TPO: variants seen among roughly 807,000 people sequenced by gnomAD.
TPO encodes thyroid peroxidase, also known as thyroid microsomal antigen.
Under a neutral mutation model 96.9 loss-of-function variants are expected in TPO, and 78 were observed. The ratio of observed to expected loss-of-function variants is 0.81; its 90% CI spans 0.67 to 0.97. The LOEUF is 0.97. Among genes scored for constraint, TPO ranks in the 50% least tolerant of loss-of-function variants. TPO has a pLI of 0.00. For synonymous variants in TPO, 547 were observed against 538.0 expected, an observed-to-expected ratio of 1.02 and a Z score of -0.23; for missense variants, 1,252 against 1,274.8, an observed-to-expected ratio of 0.98 and a Z score of 0.27.
chr2:1,512,282 C>A, intron 14 of TPO: 1 of 474,076 alleles, frequency 2.1e-6, no homozygotes, highest in Non-Finnish European at 2.8e-6. Flanking sequence ...GGACTCTTTT[C>A]TATAAACGCT....
intron 3 of TPO, among the ~76,000 whole-genome samples, chr2:1,423,656 T>A (rs889903569): frequency 6.6e-6 from 1 of 152,122 alleles, no homozygotes; most frequent in Non-Finnish European, 1.5e-5. Flanking sequence ...ACAAAAAACC[T>A]GTAAAGCAGT....
chr2:1,488,521 G>A (rs541392467), intron 10 of TPO, among the ~76,000 whole-genome samples: 14 of 151,982 alleles, frequency 9.2e-5, no homozygotes, highest in East Asian at 1.9e-4. Context: ...GGCCCCACCC[G>A]GCAGCCTCCT....
At chr2:1,411,512 T>C (rs1662337597), upstream of TPO, among the ~76,000 whole-genome samples, 4 of 152,204 alleles carry the variant, frequency 2.6e-5, no homozygotes, top group South Asian at 8.3e-4. Flanking sequence ...CTTCCTTGAG[T>C]ATTTGCCCCA....
intron 15 of TPO, among the ~76,000 whole-genome samples, chr2:1,531,672 T>C (rs1196059621): frequency 1.4e-4 from 8 of 56,704 alleles, no homozygotes; most frequent in South Asian, 8.3e-4. Flanking sequence ...CTGTGTGCAA[T>C]CTCCCCAAAT....
rs576325774 is a variant in TPO at position 1,532,180 on chromosome 2, G to A, written c.2619-8414G>A. ...AACCTACACAAATGCCCCCCACAGT[G>A]CGCAACCTCCTCAAATCCCCCACCA... On this transcript the variant is annotated intron_variant, in intron 15 of 16. Transcript: ENST00000329066. 3.4e-5 allele frequency among the ~76,000 whole-genome samples: 3 copies of A among 88,622 alleles called. No individual in the cohort carries two copies. The Admixed American group carries it at 4.8e-4, about 14-fold the overall frequency. 58.1% of individuals were successfully genotyped at this position (88,622 alleles called of 152,430 possible).
intron 15 of TPO, among the ~76,000 whole-genome samples, chr2:1,536,203 C>A (rs1679619165): frequency 3.4e-5 from 1 of 29,116 alleles, no homozygotes; most frequent in African/African-American, 1.3e-4. Context: ...CTGTGTGCAA[C>A]CTCCCGAAAT....
In TPO at chr2:1,469,828, C is replaced by T. The variant is rs116649563; in HGVS notation, c.820-7258C>T. Among the ~76,000 whole-genome samples the T allele has an allele frequency of 8.9e-3, 1,360 of 152,306 alleles. 22 individuals carry two copies. Among genetic ancestry groups the T allele is most frequent in the African/African-American group, 0.031 (1,272 of 41,568 alleles). ...CAGTATTTGGGGTGTCTCCCGAGTC[C>T]TGCAGGAGCCATCCGCTTTCTTCAG... On this transcript the variant is annotated intron_variant, in intron 7 of 16. Coordinates refer to ENST00000329066, the MANE Select transcript of TPO (RefSeq NM_001206744.2).
intron 13 of TPO, among the ~76,000 whole-genome samples, chr2:1,497,240 G>A (rs2124951856): frequency 6.6e-6 from 1 of 152,344 alleles, no homozygotes; most frequent in East Asian, 1.9e-4. Flanking sequence ...GTGGACAAGT[G>A]TGGCTTCCTG....
intron 14 of TPO, among the ~76,000 whole-genome samples, chr2:1,505,384 CA>C (rs1673315066): frequency 1.1e-4 from 16 of 146,730 alleles, no homozygotes; most frequent in East Asian, 2.0e-4. Flanking sequence ...AGGCACACCC[CA>C]CCAGCCTGTG....
intron 14 of TPO, among the ~76,000 whole-genome samples, chr2:1,509,801 A>G (rs1573482281): frequency 7.6e-6 from 1 of 131,032 alleles, no homozygotes; most frequent in South Asian, 2.5e-4. Context: ...GGGACACCGC[A>G]CCTCTTATTT....
intron 3 of TPO, among the ~76,000 whole-genome samples, chr2:1,425,188 C>A (rs1664217638): frequency 6.6e-6 from 1 of 151,450 alleles, no homozygotes; most frequent in Non-Finnish European, 1.5e-5. Context: ...GAAGTCCATG[C>A]TCCTTCTGTA....
chr2:1,382,169 G>A lies in TPO; in HGVS notation n.180+7767G>A, dbSNP rs142946102. On this transcript the variant is annotated intron_variant and non_coding_transcript_variant, in intron 1 of 5. Coordinates refer to the TPO transcript ENST00000497517. ...CACCGGCGATGCCCACGTAGAACCC[G>A]GGAGCGTTTCAGTCCCACTAGGGCA... is the stretch of plus-strand genomic sequence containing the variant. Among the ~76,000 whole-genome samples the A allele has an allele frequency of 7.2e-4, 110 of 152,264 alleles. 2 individuals carry two copies. Among genetic ancestry groups the A allele is most frequent in the African/African-American group, 2.4e-3 (100 of 41,566 alleles).
intron 5 of TPO, among the ~76,000 whole-genome samples, chr2:1,446,635 T>A: frequency 6.6e-6 from 1 of 152,234 alleles, no homozygotes; most frequent in East Asian, 1.9e-4. Context: ...TTTTCCCATT[T>A]TTTAATGAAT....
chr2:1,406,529 C>T (rs779357781), intron 1 of TPO, among the ~76,000 whole-genome samples: 1 of 152,234 alleles, frequency 6.6e-6, no homozygotes, highest in Non-Finnish European at 1.5e-5. Flanking sequence ...GCCCCCATCA[C>T]CCCTGAGCAA....
rs561955262 is a variant in TPO, at chr2:1,400,222, G to A, written n.180+25820G>A. ...GAAAACCAAAAATAGGCCAGCTGCG[G>A]TGGCTCACGGCTGTAATCCCAGCAC... On this transcript the variant is annotated intron_variant and non_coding_transcript_variant, in intron 1 of 5. Transcript: ENST00000497517. Among the ~76,000 whole-genome samples, 5 of 152,342 alleles carry A rather than the reference G, an allele frequency of 3.3e-5. No individual in the cohort carries two copies. The South Asian group carries it at 6.2e-4, about 19-fold the overall frequency.
At chr2:1,530,232 CACT>C (rs1410507295) in intron 15 of TPO, among the ~76,000 whole-genome samples, 11 of 79,482 alleles carry the variant, frequency 1.4e-4, no homozygotes, top group African/African-American at 6.4e-4. Flanking sequence ...TCTAGTCCCC[CACT>C]GTGTGCACCC....
At chr2:1,448,485 C>A (rs1667025291) in intron 5 of TPO, among the ~76,000 whole-genome samples, 1 of 152,196 alleles carries the variant, frequency 6.6e-6, no homozygotes, top group African/African-American at 2.4e-5. Context: ...AGAACACCCA[C>A]CTCGCAGGGT....
intron 14 of TPO, among the ~76,000 whole-genome samples, chr2:1,508,239 T>C (rs1369556752): frequency 6.6e-6 from 1 of 152,114 alleles, no homozygotes; most frequent in African/African-American, 2.4e-5. Context: ...TGAAGCCCAC[T>C]TGATCATGGT....
chr2:1,475,633 C>A (rs1183863136), intron 7 of TPO, among the ~76,000 whole-genome samples: 1 of 152,092 alleles, frequency 6.6e-6, no homozygotes, highest in South Asian at 2.1e-4. Flanking sequence ...CTGTGTTAGC[C>A]AGGATGGTCT....
Sources: allele counts gnomAD v4.1 joint callset (sites outside exome capture counted in the v4.1 genomes callset), GRCh38; gene constraint gnomAD v4.1.1; transcripts MANE v1.5; gene names NCBI Gene and HGNC (gene_info 2026-07-23, HGNC 2026-07-21).